FSTL5: variants seen among roughly 807,000 people sequenced by gnomAD.
FSTL5 encodes follistatin like 5.
Under a neutral mutation model 89.1 loss-of-function variants are expected in FSTL5, and 62 were observed. The ratio of observed to expected loss-of-function variants is 0.70; its 90% confidence interval spans 0.57 to 0.86. The LOEUF (loss-of-function observed/expected upper bound fraction) is 0.86, where lower values mean the gene tolerates loss of function less well. Among genes scored for constraint, FSTL5 ranks in the 40% least tolerant of loss-of-function variants. FSTL5 has a pLI of 0.00. For synonymous variants in FSTL5, 383 were observed against 346.2 expected (o/e 1.11, Z -1.18); for missense variants, 1,057 against 1,001.6 (o/e 1.06, Z -0.75).
intron 4 of FSTL5, among the ~76,000 whole-genome samples, chr4:161,849,570 T>C (rs1003572656): frequency 4.0e-5 from 6 of 151,204 alleles, no homozygotes; most frequent in African/African-American, 1.2e-4. Flanking sequence ...CATAGAATTC[T>C]CAAATTCTAT....
At chr4:161,872,854 T>G (rs955157581) in intron 4 of FSTL5, among the ~76,000 whole-genome samples, 1 of 152,252 alleles carries the variant, frequency 6.6e-6, no homozygotes, top group Non-Finnish European at 1.5e-5. Context: ...ATTAATTATA[T>G]GTACATGTAT....
At chr4:162,139,027 G>A (rs185221190) in intron 1 of FSTL5, among the ~76,000 whole-genome samples, 1 of 152,092 alleles carries the variant, frequency 6.6e-6, no homozygotes, top group East Asian at 1.9e-4. Context: ...TATAGAATTA[G>A]TGCAATTCCA....
chr4:161,705,596 C>T (rs771919225), intron 6 of FSTL5, among the ~76,000 whole-genome samples: 23 of 151,470 alleles, frequency 1.5e-4, no homozygotes, highest in Non-Finnish European at 3.2e-4. Context: ...GTCTGAATTC[C>T]GGGTCAACTG....
At chr4:161,947,893 G>C (rs945486388) in intron 3 of FSTL5, among the ~76,000 whole-genome samples, 3 of 151,264 alleles carry the variant, frequency 2.0e-5, no homozygotes, top group African/African-American at 4.9e-5. Flanking sequence ...TTTCCATAGA[G>C]AGACCTTTTA....
At chr4:161,469,551 T>C (rs888216006) in intron 13 of FSTL5, among the ~76,000 whole-genome samples, 2 of 152,216 alleles carry the variant, frequency 1.3e-5, no homozygotes, top group Non-Finnish European at 2.9e-5. Context: ...TGATTACTTA[T>C]ATTGGTCATC....
intron 4 of FSTL5, among the ~76,000 whole-genome samples, chr4:161,846,393 T>C (rs1280918428): frequency 6.6e-6 from 1 of 152,120 alleles, no homozygotes; most frequent in Non-Finnish European, 1.5e-5. Flanking sequence ...AGACAATATA[T>C]TAATGACTTA....
intron 2 of FSTL5, among the ~76,000 whole-genome samples, chr4:162,048,116 C>G (rs1286746636): frequency 6.6e-6 from 1 of 151,998 alleles, no homozygotes; most frequent in Admixed American, 6.6e-5. Context: ...CACTTGGGGT[C>G]AGGAGATGGA....
At chr4:161,815,720 C>A (rs995861229) in intron 4 of FSTL5, among the ~76,000 whole-genome samples, 3 of 151,998 alleles carry the variant, frequency 2.0e-5, no homozygotes, top group Middle Eastern at 3.2e-3. Flanking sequence ...TTACACATTA[C>A]TAAAAGGTAG....
At chr4:161,728,654 AAT>A (rs1385306664) in intron 6 of FSTL5, among the ~76,000 whole-genome samples, 1 of 152,148 alleles carries the variant, frequency 6.6e-6, no homozygotes, top group Non-Finnish European at 1.5e-5. Context: ...ATAATATGGT[AAT>A]ATATACCAGG....
intron 1 of FSTL5, among the ~76,000 whole-genome samples, chr4:162,121,493 A>G (rs1466199570): frequency 6.6e-6 from 1 of 152,044 alleles, no homozygotes; most frequent in East Asian, 1.9e-4. Context: ...ACTAAAAAAC[A>G]TATTGTCTGC....
chr4:162,020,793 C>T (rs947775144), intron 3 of FSTL5, among the ~76,000 whole-genome samples: 6 of 151,688 alleles, frequency 4.0e-5, no homozygotes, highest in African/African-American at 1.5e-4. Flanking sequence ...AAACAGAAAA[C>T]AACAAAAACA....
At chr4:161,578,451 A>T (rs1441586983) in intron 8 of FSTL5, among the ~76,000 whole-genome samples, 1 of 152,094 alleles carries the variant, frequency 6.6e-6, no homozygotes, top group African/African-American at 2.4e-5. Context: ...AGACAGAGAG[A>T]AAAAAAGGAA....
intron 1 of FSTL5, among the ~76,000 whole-genome samples, chr4:162,158,858 A>G (rs887959140): frequency 2.0e-5 from 3 of 152,140 alleles, no homozygotes; most frequent in African/African-American, 7.2e-5. Flanking sequence ...CAGATGAAAA[A>G]GCAAATTCAG....
chr4:161,948,009 G>T (rs964921096), intron 3 of FSTL5, among the ~76,000 whole-genome samples: 2 of 151,772 alleles, frequency 1.3e-5, no homozygotes, highest in African/African-American at 4.8e-5. Context: ...GAGTATGGTG[G>T]CTCACACCTG....
At chr4:161,618,719 G>T (rs150597805) in intron 7 of FSTL5, among the ~76,000 whole-genome samples, 7 of 152,006 alleles carry the variant, frequency 4.6e-5, no homozygotes, top group African/African-American at 9.7e-5. Context: ...TGCTGGATTC[G>T]TTTTGCCAGT....
rs534794201 is a variant in FSTL5, at chr4:161,418,877, C to T, written c.1842-32428G>A. Among the ~76,000 whole-genome samples the T allele has an allele frequency of 1.7e-4, 26 of 152,320 alleles. 1 individual carries two copies. In the South Asian group the frequency reaches 5.4e-3, roughly 32 times the overall value. On this transcript the variant is annotated intron_variant, in intron 15 of 15. Transcript: ENST00000306100. Reference sequence around the variant, plus strand: ...GTAATATCAAATACAAGCTGCCTTGCATTATACAAGTGAAATGTGTATAGC... The same window carrying T: ...GTAATATCAAATACAAGCTGCCTTGTATTATACAAGTGAAATGTGTATAGC...
At chr4:161,448,049 G>A (rs1733010492) in intron 15 of FSTL5, among the ~76,000 whole-genome samples, 1 of 151,960 alleles carries the variant, frequency 6.6e-6, no homozygotes, top group South Asian at 2.1e-4. Context: ...GGAAAGGGAA[G>A]GTCACAATTT....
intron 11 of FSTL5, among the ~76,000 whole-genome samples, chr4:161,507,580 C>T (rs1425672618): frequency 6.6e-6 from 1 of 151,572 alleles, no homozygotes; most frequent in Admixed American, 6.6e-5. Context: ...AAATATTTGT[C>T]AACAAATAAG....
intron 6 of FSTL5, among the ~76,000 whole-genome samples, chr4:161,712,288 G>C (rs749736087): frequency 5.9e-5 from 9 of 151,992 alleles, no homozygotes; most frequent in South Asian, 2.1e-4. Context: ...ATTAATAAAA[G>C]TGTTTAAAAA....
Sources: allele counts gnomAD v4.1 joint callset (sites outside exome capture counted in the v4.1 genomes callset), GRCh38; gene constraint gnomAD v4.1.1; transcripts MANE v1.5; gene names NCBI Gene and HGNC (gene_info 2026-07-23, HGNC 2026-07-21).